CACNA2D3: variants seen among roughly 807,000 people sequenced by gnomAD.
CACNA2D3 encodes the protein calcium voltage-gated channel auxiliary subunit alpha2delta 3, also known as voltage-dependent calcium channel subunit alpha-2/delta-3.
Under a neutral mutation model 160.6 loss-of-function variants are expected in CACNA2D3, and 60 were observed. The observed-to-expected ratio is 0.37, with a 90% CI of 0.30 to 0.46. The LOEUF is 0.46. Among genes scored for constraint, CACNA2D3 ranks in the 20% least tolerant of loss-of-function variants. The pLI, the probability that CACNA2D3 is intolerant of heterozygous loss-of-function variation, is 1.00. For missense variants in CACNA2D3, 1,205 were observed against 1,365.0 expected (o/e 0.88, Z 1.85); for synonymous variants, 558 against 492.9 (o/e 1.13, Z -1.75).
At chr3:54,426,892 C>T (rs893075331) in intron 4 of CACNA2D3, among the ~76,000 whole-genome samples, 1 of 152,070 alleles carries the variant, frequency 6.6e-6, no homozygotes, top group Non-Finnish European at 1.5e-5. Context: ...AAAATCCTTT[C>T]TAGATTCAAA....
intron 13 of CACNA2D3, among the ~76,000 whole-genome samples, chr3:54,787,782 C>T (rs1702669763): frequency 6.6e-6 from 1 of 152,106 alleles, no homozygotes; most frequent in African/African-American, 2.4e-5. Flanking sequence ...GTGCTGTTTC[C>T]AGTGATAAGA....
In CACNA2D3 at chr3:54,510,396, A is replaced by C. The variant is rs116519605; in HGVS notation, c.544+6742A>C. Among the ~76,000 whole-genome samples the C allele has an allele frequency of 6.0e-3, 907 of 152,328 alleles. 7 individuals carry two copies. Among genetic ancestry groups the C allele is most frequent in the African/African-American group, 0.021 (876 of 41,572 alleles). On this transcript the variant is annotated intron_variant, in intron 5 of 37. Transcript: ENST00000474759. ...AAGCAGTGGGGACCACCATTCTCCA[A>C]GGCAATTCTTCCACAGCCTCTGTTC...
intron 2 of CACNA2D3, among the ~76,000 whole-genome samples, chr3:54,142,477 A>G (rs1274852959): frequency 6.6e-6 from 1 of 152,064 alleles, no homozygotes; most frequent in African/African-American, 2.4e-5. Flanking sequence ...GCTGACCTTG[A>G]TTTCTAATTA....
chr3:54,492,622 T>A (rs369932135), intron 4 of CACNA2D3, among the ~76,000 whole-genome samples: 2 of 152,330 alleles, frequency 1.3e-5, no homozygotes, highest in East Asian at 1.9e-4. Flanking sequence ...AACCAACAAC[T>A]GATTACCAGT....
At chr3:54,311,655 T>A (rs970149500) in intron 2 of CACNA2D3, among the ~76,000 whole-genome samples, 6 of 152,142 alleles carry the variant, frequency 3.9e-5, no homozygotes, top group African/African-American at 9.7e-5. Context: ...GGTGCAAGTT[T>A]ACATAGAAAT....
Position 54,563,024 on chromosome 3 carries a change from C to A in CACNA2D3, c.676+93C>A, listed in dbSNP as rs747682767. The stretch of plus-strand genomic sequence containing the variant: ...AGGGTTCAAGGTTAAAACTTTTCTG[C>A]CTTTTCTTAGAAGAAAATGAAAGAT... On this transcript the variant is annotated intron_variant, in intron 6 of 37. Coordinates refer to ENST00000474759, the MANE Select transcript of CACNA2D3 (RefSeq NM_018398.3). The A allele has an allele frequency of 1.4e-4, 172 of 1,222,870 alleles. 1 individual carries two copies. The highest frequency in any genetic ancestry group is 1.9e-4 in the Non-Finnish European group (165 of 879,908). 75.8% of individuals were successfully genotyped at this position (1,222,870 alleles called of 1,614,324 possible).
intron 2 of CACNA2D3, among the ~76,000 whole-genome samples, chr3:54,137,773 A>G (rs1263953413): frequency 2.0e-5 from 3 of 149,370 alleles, no homozygotes; most frequent in African/African-American, 7.3e-5. Context: ...TCTATTCTAC[A>G]CTATTCTACT....
At chr3:54,146,922 ACAG>A (rs1373389429) in intron 2 of CACNA2D3, among the ~76,000 whole-genome samples, 3 of 152,184 alleles carry the variant, frequency 2.0e-5, no homozygotes, top group Non-Finnish European at 4.4e-5. Context: ...GGAGCTTTGG[ACAG>A]ATGTCCGGGC....
At chr3:54,245,432 C>CTT (rs947527081) in intron 2 of CACNA2D3, among the ~76,000 whole-genome samples, 22 of 152,038 alleles carry the variant, frequency 1.4e-4, no homozygotes, top group Admixed American at 1.4e-3. Context: ...ACAGAGAAAA[C>CTT]AGTCCTGGCT....
intron 34 of CACNA2D3, among the ~76,000 whole-genome samples, chr3:55,010,466 A>G (rs1195816036): frequency 6.6e-6 from 1 of 152,228 alleles, no homozygotes; most frequent in African/African-American, 2.4e-5. Flanking sequence ...CATGACAATG[A>G]TGATGATCGC....
At chr3:54,356,950 T>G (rs1028692101) in intron 3 of CACNA2D3, among the ~76,000 whole-genome samples, 3 of 152,166 alleles carry the variant, frequency 2.0e-5, no homozygotes, top group Non-Finnish European at 4.4e-5. Flanking sequence ...AAAATACAGT[T>G]GCATGAAGCT....
chr3:54,746,935 C>G (rs1490520026), intron 11 of CACNA2D3, among the ~76,000 whole-genome samples: 1 of 152,140 alleles, frequency 6.6e-6, no homozygotes, highest in Non-Finnish European at 1.5e-5. Flanking sequence ...TGGCTGATGT[C>G]TCATGATCCT....
chr3:54,901,002 A>G (rs1010434172), intron 27 of CACNA2D3, among the ~76,000 whole-genome samples: 8 of 152,160 alleles, frequency 5.3e-5, no homozygotes, highest in Non-Finnish European at 1.2e-4. Context: ...AAGCAGACCT[A>G]TTCTTAATCA....
At chr3:54,567,968 C>T (rs1702435810) in intron 6 of CACNA2D3, among the ~76,000 whole-genome samples, 1 of 152,206 alleles carries the variant, frequency 6.6e-6, no homozygotes, top group Non-Finnish European at 1.5e-5. Context: ...GAAATAAAAC[C>T]ACAGGGCAAA....
At chr3:54,468,974 G>A (rs1255752610) in intron 4 of CACNA2D3, among the ~76,000 whole-genome samples, 1 of 152,150 alleles carries the variant, frequency 6.6e-6, no homozygotes, top group Non-Finnish European at 1.5e-5. Context: ...AGAGCACCTG[G>A]GGGATGGGGT....
chr3:54,656,929 A>G (rs948965084), intron 11 of CACNA2D3, among the ~76,000 whole-genome samples: 1 of 152,176 alleles, frequency 6.6e-6, no homozygotes, highest in Non-Finnish European at 1.5e-5. Flanking sequence ...GAAACCACCA[A>G]ACAGGCTTTG....
chr3:54,654,534 A>G (rs1196718542), intron 11 of CACNA2D3, among the ~76,000 whole-genome samples: 1 of 152,154 alleles, frequency 6.6e-6, no homozygotes, highest in Non-Finnish European at 1.5e-5. Flanking sequence ...AACAGCCACC[A>G]CCTCAATAGT....
chr3:54,945,265 C>T (rs1403369893), intron 27 of CACNA2D3, among the ~76,000 whole-genome samples: 1 of 152,176 alleles, frequency 6.6e-6, no homozygotes, highest in African/African-American at 2.4e-5. Flanking sequence ...GGTGTTGATA[C>T]CTGCTAGTAT....
Position 54,360,369 on chromosome 3 carries a change from T to C in CACNA2D3, c.322-26346T>C, listed in dbSNP as rs1698720947. 2.6e-5 allele frequency among the ~76,000 whole-genome samples: 4 copies of C among 152,368 alleles called. No individual in the cohort carries two copies. In the Middle Eastern group the frequency reaches 0.01, roughly 389 times the overall value. ...AAACAAAATTGCAAATACTAAATTCTAGGAATCAATTCTGACTTGAATTTT... is the reference window on the plus strand; with the variant it reads ...AAACAAAATTGCAAATACTAAATTCCAGGAATCAATTCTGACTTGAATTTT... On this transcript the variant is annotated intron_variant, in intron 3 of 37. Coordinates refer to ENST00000474759, the MANE Select transcript of CACNA2D3 (RefSeq NM_018398.3).
Sources: allele counts gnomAD v4.1 joint callset (sites outside exome capture counted in the v4.1 genomes callset), GRCh38; gene constraint gnomAD v4.1.1; transcripts MANE v1.5; gene names NCBI Gene and HGNC (gene_info 2026-07-23, HGNC 2026-07-21).